CACNA1I: variants seen among roughly 807,000 people sequenced by gnomAD.
CACNA1I encodes the protein calcium voltage-gated channel subunit alpha1 I, also known as voltage-dependent T-type calcium channel subunit alpha-1I.
CACNA1I carries 74 observed loss-of-function variants against 201.6 expected under a neutral mutation model. The ratio of observed to expected loss-of-function variants is 0.37; its 90% CI spans 0.30 to 0.45. The LOEUF (loss-of-function observed/expected upper bound fraction) is 0.45, where lower values mean the gene tolerates loss of function less well. Among genes scored for constraint, CACNA1I ranks in the 20% least tolerant of loss-of-function variants. CACNA1I has a pLI of 1.00. For missense variants in CACNA1I, 2,346 were observed against 3,138.1 expected, an observed-to-expected ratio of 0.75 and a Z score of 6.03; for synonymous variants, 1,431 against 1,345.2, an observed-to-expected ratio of 1.06 and a Z score of -1.40.
chr22:39,584,918 C>T (rs1047824128), intron 1 of CACNA1I, among the ~76,000 whole-genome samples: 1 of 152,232 alleles, frequency 6.6e-6, no homozygotes, highest in Non-Finnish European at 1.5e-5. Context: ...GGCAGTGTCA[C>T]TTAGCGTCCA....
chr22:39,617,552 C>A (rs1018798298), intron 3 of CACNA1I, among the ~76,000 whole-genome samples: 2 of 152,174 alleles, frequency 1.3e-5, no homozygotes, highest in South Asian at 2.1e-4. Context: ...CTGGGCCCCG[C>A]GGGTGCCAGC....
Position 39,684,585 on chromosome 22 carries a change from G to A in CACNA1I, c.6027+87G>A, listed in dbSNP as rs766689317. On this transcript the variant is annotated intron_variant, in intron 36 of 36. Transcript: ENST00000402142. This position sits in a 1 kb window ranked among gnomAD's most constrained non-coding sequence, Gnocchi z 4.6. ...GGCCTGGAAGTCCAAGGGACTGGGA[G>A]GGGAAGGACCCAACCAAAGGCCGAG... The A allele has an allele frequency of 1.7e-4, 251 of 1,442,604 alleles. No individual in the cohort carries two copies. The highest frequency in any genetic ancestry group is 1.6e-3 in the Admixed American group (82 of 51,400). 89.4% of individuals were successfully genotyped at this position (1,442,604 alleles called of 1,614,324 possible).
intron 7 of CACNA1I, among the ~76,000 whole-genome samples, chr22:39,644,100 C>T (rs1383207321): frequency 1.3e-5 from 2 of 152,176 alleles, no homozygotes; most frequent in Admixed American, 6.5e-5. Context: ...GCCTTAAAGA[C>T]TCAGGGAGGT....
At chr22:39,610,753 A>G (rs763973969) in intron 3 of CACNA1I, among the ~76,000 whole-genome samples, 1 of 152,080 alleles carries the variant, frequency 6.6e-6, no homozygotes, top group South Asian at 2.1e-4. Context: ...CAGCTCTGCT[A>G]GTCTGTGCTG....
At chr22:39,615,336 T>A (rs1002380233) in intron 3 of CACNA1I, among the ~76,000 whole-genome samples, 9 of 152,020 alleles carry the variant, frequency 5.9e-5, no homozygotes, top group Non-Finnish European at 1.3e-4. Context: ...ACTGAGGGTT[T>A]TAAGTGGGAG....
intron 3 of CACNA1I, among the ~76,000 whole-genome samples, chr22:39,616,420 T>C (rs945096791): frequency 6.6e-6 from 1 of 152,118 alleles, no homozygotes; most frequent in Non-Finnish European, 1.5e-5. Context: ...GACCCTGGGA[T>C]CAGTCTCTTC....
At chr22:39,671,730 A>G (rs1402375285) in intron 26 of CACNA1I, among the ~76,000 whole-genome samples, 1 of 152,260 alleles carries the variant, frequency 6.6e-6, no homozygotes, top group Non-Finnish European at 1.5e-5. Flanking sequence ...AGAATGAAAC[A>G]ATAATTATAC....
chr22:39,598,288 C>CGCCCTGCCCTGCCCTGCCCT, intron 2 of CACNA1I, 26 bp downstream of exon 2: 1 of 1,215,222 alleles, frequency 8.2e-7, no homozygotes, highest in Non-Finnish European at 1.1e-6. Context: ...CGCCCCGCCC[C>CGCCCTGCCCTGCCCTGCCCT]GCCCTGCCCT....
In CACNA1I at chr22:39,665,831, G is replaced by A. The variant is rs1402676386; in HGVS notation, c.3979-50G>A. On this transcript the variant is annotated intron_variant, in intron 22 of 36. Transcript: ENST00000402142. This position sits in a 1 kb window ranked among gnomAD's most constrained non-coding sequence, Gnocchi z 5.5. ...GCGATCGAGAGGCGAGTTCCTCTCT[G>A]ACTTGCAACCCTCACCTGTGAGAGC... The A allele has an allele frequency of 6.2e-7, 1 of 1,611,846 alleles. No individual in the cohort carries two copies. Among genetic ancestry groups the A allele is most frequent in the East Asian group, 2.2e-5 (1 of 44,816 alleles).
intron 1 of CACNA1I, among the ~76,000 whole-genome samples, chr22:39,591,686 G>A (rs992398584): frequency 6.6e-6 from 1 of 151,990 alleles, no homozygotes; most frequent in Non-Finnish European, 1.5e-5. Context: ...AACCTCCCAA[G>A]TAGCTGGGAT....
At chr22:39,682,734 G>A in intron 35 of CACNA1I, 73 bp downstream of exon 35, 1 of 1,353,020 alleles carries the variant, frequency 7.4e-7, no homozygotes, top group Non-Finnish European at 1.0e-6. Flanking sequence ...AGATGGCTGA[G>A]TTTTTTCCTT....
intron 35 of CACNA1I, among the ~76,000 whole-genome samples, chr22:39,683,352 AC>A (rs1377506107): frequency 2.0e-5 from 3 of 152,006 alleles, no homozygotes; most frequent in Non-Finnish European, 2.9e-5. Flanking sequence ...CACCCCAAGT[AC>A]CCTTCAGGGA....
Position 39,661,122 on chromosome 22 carries a change from C to T in CACNA1I, c.2713C>T (p.Pro905Ser), listed in dbSNP as rs183054716. 7.7e-5 allele frequency: 125 copies of T among 1,613,320 alleles called. No homozygotes were observed. The East Asian group carries it at 2.6e-3, about 34-fold the overall frequency. Residue 905 changes from proline (P) to serine (S), a missense_variant, in exon 16 of 37, where the codon CCA (proline) becomes TCA (serine). Pro to Ser is a moderately conservative substitution (Grantham distance 74). Coordinates refer to ENST00000402142, the MANE Select transcript of CACNA1I (RefSeq NM_021096.4). Reference protein sequence around the residue: ...LDSSGDPKLCPIPMTPNGHLD... With the variant: ...LDSSGDPKLCSIPMTPNGHLD... ...CACTCCTCCAGATCCCAAGCTCTGC[C>T]CAATCCCCATGACCCCCAATGGGCA...
chr22:39,630,900 T>C (rs1289930776), intron 4 of CACNA1I, among the ~76,000 whole-genome samples: 1 of 150,646 alleles, frequency 6.6e-6, no homozygotes, highest in African/African-American at 2.4e-5. Context: ...GGGGGCAGAG[T>C]GTGTGCAGGG....
At chr22:39,681,242 C>T (rs1935695659) in intron 34 of CACNA1I, among the ~76,000 whole-genome samples, 190 bp downstream of exon 34, 1 of 152,244 alleles carries the variant, frequency 6.6e-6, no homozygotes, top group Non-Finnish European at 1.5e-5. Flanking sequence ...CCTGAGGTCA[C>T]ACAGCCACAA....
intron 24 of CACNA1I, 129 bp from the exon 25 acceptor site, chr22:39,669,909 C>T (rs866535219): frequency 3.9e-6 from 4 of 1,027,730 alleles, no homozygotes; most frequent in Non-Finnish European, 6.0e-6. Context: ...TCATTTAGAC[C>T]TCACAGCCAC....
intron 4 of CACNA1I, among the ~76,000 whole-genome samples, chr22:39,626,043 G>A (rs1185330822): frequency 1.3e-5 from 2 of 152,226 alleles, no homozygotes; most frequent in African/African-American, 4.8e-5. Context: ...CTCAGGGGCA[G>A]CCCTGAGCCC....
Position 39,670,215 on chromosome 22 carries a change from G to A in CACNA1I, c.4372G>A (p.Glu1458Lys). The change falls in exon 25 of 37, where the codon GAG becomes AAG. Residue 1458 changes from glutamate to lysine, a missense_variant. Transcript: ENST00000402142. ...RREEKRLRRL[E>K]KKRRKAQRLP... ...TGAGGAGAAGCGGCTGCGGCGCCTG[G>A]AGAAGAAGCGCCGGAGTGAGTGGGT... 1 of 1,612,832 alleles carries A rather than the reference G, an allele frequency of 6.2e-7. No homozygotes were observed. The highest frequency in any genetic ancestry group is 8.5e-7 in the Non-Finnish European group (1 of 1,179,822).
intron 1 of CACNA1I, among the ~76,000 whole-genome samples, chr22:39,578,788 A>G (rs1263919477): frequency 6.6e-6 from 1 of 152,026 alleles, no homozygotes; most frequent in Non-Finnish European, 1.5e-5. Context: ...TCTGCCTATT[A>G]TCCTCCAGCC....
Sources: allele counts gnomAD v4.1 joint callset (sites outside exome capture counted in the v4.1 genomes callset), GRCh38; gene constraint gnomAD v4.1.1; non-coding constraint Gnocchi (gnomAD v3.1); transcripts MANE v1.5; gene names NCBI Gene and HGNC (gene_info 2026-07-23, HGNC 2026-07-21).